The following GABRB3 variants were observed in gnomAD, a reference collection of about 807,000 sequenced individuals.
GABRB3 encodes gamma-aminobutyric acid receptor subunit beta-3.
GABRB3 carries 14 observed loss-of-function variants against 52.1 expected under a neutral mutation model. The ratio of observed to expected loss-of-function variants is 0.27; its 90% CI spans 0.18 to 0.42. GABRB3 has a LOEUF of 0.42. Ranked by LOEUF, GABRB3 falls within the 10% of genes least tolerant of loss-of-function variation. The pLI, the probability that GABRB3 is intolerant of heterozygous loss-of-function variation, is 1.00. For missense variants in GABRB3, 307 were observed against 609.1 expected (o/e 0.50, Z 5.22); for synonymous variants, 260 against 232.3 (o/e 1.12, Z -1.08).
chr15:26,660,590 A>G (rs1298545599), intron 3 of GABRB3, among the ~76,000 whole-genome samples: 4 of 152,168 alleles, frequency 2.6e-5, no homozygotes, highest in Non-Finnish European at 5.9e-5. Flanking sequence ...ATACAGAGAG[A>G]ACCACCACCA....
intron 3 of GABRB3, among the ~76,000 whole-genome samples, chr15:26,633,168 A>C (rs971048180): frequency 6.6e-6 from 1 of 152,226 alleles, no homozygotes; most frequent in Non-Finnish European, 1.5e-5. Context: ...TCCAAATGCA[A>C]TACAAGCTTG....
chr15:26,696,381 C>CTGT (rs953339567), intron 3 of GABRB3, among the ~76,000 whole-genome samples: 7 of 148,320 alleles, frequency 4.7e-5, no homozygotes, highest in African/African-American at 1.5e-4. Flanking sequence ...ATTATAATTA[C>CTGT]TGTTATTATT....
chr15:26,763,231 A>G (rs1236267744), intron 3 of GABRB3, among the ~76,000 whole-genome samples: 2 of 152,176 alleles, frequency 1.3e-5, no homozygotes, highest in African/African-American at 2.4e-5. Flanking sequence ...TCTGGGTCAT[A>G]GGGATGGCAC....
chr15:26,573,413 A>C (rs1380183030), intron 6 of GABRB3, among the ~76,000 whole-genome samples: 1 of 152,222 alleles, frequency 6.6e-6, no homozygotes, highest in Admixed American at 6.5e-5. Flanking sequence ...GGGGTTTTAA[A>C]AAAAATTGTT....
chr15:26,577,379 G>A (rs1034398322), intron 6 of GABRB3, among the ~76,000 whole-genome samples: 2 of 152,136 alleles, frequency 1.3e-5, no homozygotes, highest in Non-Finnish European at 2.9e-5. Context: ...CAGGCATGGT[G>A]GCATGTGCTT....
At chr15:26,715,975 AAC>A (rs1195936586) in intron 3 of GABRB3, among the ~76,000 whole-genome samples, 1 of 152,196 alleles carries the variant, frequency 6.6e-6, no homozygotes, top group Non-Finnish European at 1.5e-5. Flanking sequence ...CCATGGTAAG[AAC>A]ACACACTGTT....
At chr15:26,594,211 T>A (rs1281963598) in intron 4 of GABRB3, among the ~76,000 whole-genome samples, 1 of 151,702 alleles carries the variant, frequency 6.6e-6, no homozygotes, top group African/African-American at 2.4e-5. Flanking sequence ...ATAATTAGAT[T>A]TCTGCCAATT....
At chr15:26,732,089 G>A (rs1377150629) in intron 3 of GABRB3, among the ~76,000 whole-genome samples, 1 of 151,880 alleles carries the variant, frequency 6.6e-6, no homozygotes. Flanking sequence ...ATGGGTGGAT[G>A]GATGGATAGA....
chr15:26,715,385 A>G (rs775206990), intron 3 of GABRB3, among the ~76,000 whole-genome samples: 2 of 152,194 alleles, frequency 1.3e-5, no homozygotes, highest in Non-Finnish European at 2.9e-5. Context: ...AGAGCAACAG[A>G]TATGATGGTG....
chr15:26,686,608 C>A (rs903573573), intron 3 of GABRB3, among the ~76,000 whole-genome samples: 2 of 152,216 alleles, frequency 1.3e-5, no homozygotes, highest in African/African-American at 4.8e-5. Context: ...AGTGTCATAG[C>A]TCATGGAAAT....
chr15:26,638,697 T>G (rs1893118380), intron 3 of GABRB3, among the ~76,000 whole-genome samples: 1 of 152,212 alleles, frequency 6.6e-6, no homozygotes, highest in Non-Finnish European at 1.5e-5. Context: ...AAGCCTGGCA[T>G]TTTTTTAAAA....
At chr15:26,580,702 C>T (rs1017997436) in intron 5 of GABRB3, 3 of 567,244 alleles carry the variant, frequency 5.3e-6, no homozygotes. Flanking sequence ...GGTGCTCTGA[C>T]CAGAGTTCTA....
chr15:26,637,907 T>G (rs927069470), intron 3 of GABRB3, among the ~76,000 whole-genome samples: 1 of 152,146 alleles, frequency 6.6e-6, no homozygotes, highest in Non-Finnish European at 1.5e-5. Context: ...TAGCCTCCTG[T>G]TTCTGCCTAG....
intron 3 of GABRB3, among the ~76,000 whole-genome samples, chr15:26,742,629 T>A (rs1890238856): frequency 6.6e-6 from 1 of 152,230 alleles, no homozygotes; most frequent in East Asian, 1.9e-4. Context: ...CATGTATGAA[T>A]GTGTCTGCTA....
intron 4 of GABRB3, chr15:26,611,740 GATA>G (rs1892078443): frequency 6.6e-6 from 1 of 152,148 alleles, no homozygotes; most frequent in Non-Finnish European, 1.5e-5. Flanking sequence ...AAAAAGTTTA[GATA>G]ATAATTGTTT....
chr15:26,556,533 A>G (rs1414247927), intron 8 of GABRB3, among the ~76,000 whole-genome samples: 1 of 152,200 alleles, frequency 6.6e-6, no homozygotes, highest in Non-Finnish European at 1.5e-5. Context: ...CAAGGCTTGT[A>G]ACCATAATGC....
At chr15:26,717,602 T>C (rs974195845) in intron 3 of GABRB3, among the ~76,000 whole-genome samples, 1 of 152,182 alleles carries the variant, frequency 6.6e-6, no homozygotes. Flanking sequence ...CCACATTTTT[T>C]AAAGACAGCC....
chr15:26,707,073 T>C (rs1889125937), intron 3 of GABRB3, among the ~76,000 whole-genome samples: 1 of 152,142 alleles, frequency 6.6e-6, no homozygotes, highest in Non-Finnish European at 1.5e-5. Context: ...ATCGGGGAAA[T>C]ACATGATTGC....
At chr15:26,561,391 T>A (rs1889980150) in intron 7 of GABRB3, among the ~76,000 whole-genome samples, 1 of 152,236 alleles carries the variant, frequency 6.6e-6, no homozygotes, top group African/African-American at 2.4e-5. Flanking sequence ...TCTGGGGAAG[T>A]GAAGCCGTGC....
Sources: gnomAD v4.1 joint callset for allele counts (sites outside exome capture counted in the v4.1 genomes callset) on GRCh38, gnomAD v4.1.1 for gene constraint, MANE v1.5 for transcripts, NCBI Gene and HGNC (gene_info 2026-07-23, HGNC 2026-07-21) for gene names.